RIMS1: variants seen among roughly 807,000 people sequenced by gnomAD.
RIMS1 encodes regulating synaptic membrane exocytosis protein 1.
In RIMS1, 83 loss-of-function variants were observed where a neutral mutation model predicts 214.1. That is an observed-to-expected ratio of 0.39 (90% CI 0.32 to 0.47). The LOEUF is 0.47. Among genes scored for constraint, RIMS1 ranks in the 20% least tolerant of loss-of-function variants. The pLI, the probability that RIMS1 is intolerant of heterozygous loss-of-function variation, is 0.99. For missense variants in RIMS1, 2,050 were observed against 2,161.8 expected, an observed-to-expected ratio of 0.95 and a Z score of 1.03; for synonymous variants, 793 against 786.8, an observed-to-expected ratio of 1.01 and a Z score of -0.13.
At chr6:71,944,895 CGTT>C (rs2151056879) in intron 1 of RIMS1, among the ~76,000 whole-genome samples, 1 of 152,188 alleles carries the variant, frequency 6.6e-6, no homozygotes, top group African/African-American at 2.4e-5. Context: ...TTAGACATTG[CGTT>C]GTTATCTTAA....
chr6:72,397,814 A>G (rs2098796832), intron 31 of RIMS1, among the ~76,000 whole-genome samples: 1 of 152,168 alleles, frequency 6.6e-6, no homozygotes, highest in East Asian at 1.9e-4. Context: ...AAATAGATAG[A>G]TAGACAGACA....
intron 3 of RIMS1, among the ~76,000 whole-genome samples, chr6:72,097,625 A>G (rs2032189679): frequency 6.6e-6 from 1 of 152,194 alleles, no homozygotes; most frequent in Admixed American, 6.5e-5. Flanking sequence ...GTAAATTCAG[A>G]TTTACTGATA....
chr6:72,311,948 G>A (rs898470771), intron 27 of RIMS1, among the ~76,000 whole-genome samples: 11 of 152,178 alleles, frequency 7.2e-5, no homozygotes, highest in Non-Finnish European at 1.5e-4. Context: ...TCCAGCCTGG[G>A]CAACAGAGGG....
chr6:72,107,916 C>T (rs1314577151), intron 4 of RIMS1, among the ~76,000 whole-genome samples: 1 of 152,110 alleles, frequency 6.6e-6, no homozygotes, highest in Non-Finnish European at 1.5e-5. Flanking sequence ...AGGCCTAATT[C>T]CTGTGATGTT....
rs929732401 is a variant in RIMS1, at chr6:72,019,456, A to G, written c.245+50393A>G. Among the ~76,000 whole-genome samples, 13 of 152,332 alleles carry G rather than the reference A, an allele frequency of 8.5e-5. No individual in the cohort carries two copies. In the East Asian group the frequency reaches 2.3e-3, roughly 27 times the overall value. ...GTCATGTTATGAATAACATGTGACA[A>G]TCTTTTCTTACATATAAAAACCTTT... On this transcript the variant is annotated intron_variant, in intron 2 of 33. Transcript: ENST00000521978.
intron 4 of RIMS1, 125 bp from the exon 5 acceptor site, chr6:72,179,450 A>C: frequency 2.3e-6 from 2 of 877,258 alleles, no homozygotes; most frequent in Non-Finnish European, 3.7e-6. Flanking sequence ...CATTTTCACA[A>C]GAAATTTGCA....
intron 29 of RIMS1, among the ~76,000 whole-genome samples, chr6:72,340,231 G>T (rs1343399239): frequency 2.0e-5 from 3 of 151,946 alleles, no homozygotes; most frequent in Non-Finnish European, 2.9e-5. Context: ...CCATTCTGTA[G>T]GTTGCCTGTT....
In RIMS1 at chr6:71,959,291, T is replaced by G. The variant is rs574715925; in HGVS notation, c.165-9692T>G. Among the ~76,000 whole-genome samples, 51 of 152,268 alleles carry G rather than the reference T, an allele frequency of 3.3e-4. No individual in the cohort carries two copies. In the South Asian group the frequency reaches 7.7e-3, roughly 23 times the overall value. The stretch of plus-strand genomic sequence containing the variant: ...AGTAGTGCCTGAAATAGTTCATTAA[T>G]GCTTTTCCAAGTTCCATTTTCCCAT... On this transcript the variant is annotated intron_variant, in intron 1 of 33. Transcript: ENST00000521978.
chr6:72,366,935 A>G (rs1192115613), intron 29 of RIMS1: 1 of 902,808 alleles, frequency 1.1e-6, no homozygotes, highest in African/African-American at 1.8e-5. Context: ...AACTTTTCAT[A>G]AAACCTAGCC....
At chr6:72,271,281 AAAAAAATATATAT>A (rs1244555308) in intron 22 of RIMS1, among the ~76,000 whole-genome samples, 2,943 of 68,322 alleles carry the variant, frequency 0.043, 93 homozygotes, top group African/African-American at 0.093. Context: ...AAAAAAAAAA[AAAAAAATATATAT>A]ATATATATAT....
At chr6:71,929,471 T>C (rs1359421367) in intron 1 of RIMS1, among the ~76,000 whole-genome samples, 3 of 152,088 alleles carry the variant, frequency 2.0e-5, no homozygotes, top group Non-Finnish European at 4.4e-5. Flanking sequence ...AAGAAAATTA[T>C]TGGAGAGAAA....
chr6:71,911,939 A>G (rs769519131), intron 1 of RIMS1, among the ~76,000 whole-genome samples: 12 of 152,130 alleles, frequency 7.9e-5, no homozygotes, highest in South Asian at 4.1e-4. Flanking sequence ...ACTCCTATCA[A>G]TGGTACTTGT....
intron 2 of RIMS1, among the ~76,000 whole-genome samples, chr6:72,083,315 T>C (rs1326529969): frequency 6.6e-6 from 1 of 152,178 alleles, no homozygotes; most frequent in East Asian, 1.9e-4. Context: ...ATATCAGATT[T>C]TTAGAATCTC....
intron 2 of RIMS1, among the ~76,000 whole-genome samples, chr6:72,033,642 C>T (rs1449508320): frequency 4.0e-5 from 6 of 151,788 alleles, no homozygotes; most frequent in South Asian, 2.1e-4. Context: ...CCACTATGCC[C>T]GGCTAATTTT....
intron 4 of RIMS1, among the ~76,000 whole-genome samples, chr6:72,122,329 T>G (rs930357637): frequency 6.6e-6 from 1 of 151,330 alleles, no homozygotes; most frequent in Non-Finnish European, 1.5e-5. Flanking sequence ...CTCAGCCTTT[T>G]AAGTAGCTGG....
At chr6:71,899,591 TAA>T (rs1272109780) in intron 1 of RIMS1, among the ~76,000 whole-genome samples, 2 of 152,160 alleles carry the variant, frequency 1.3e-5, no homozygotes, top group Non-Finnish European at 2.9e-5. Context: ...CATTCTTCTA[TAA>T]AGTCTTAAGG....
chr6:72,221,526 G>T (rs1032737759), intron 6 of RIMS1, among the ~76,000 whole-genome samples: 9 of 151,934 alleles, frequency 5.9e-5, no homozygotes, highest in African/African-American at 2.2e-4. Flanking sequence ...TTAGAATACA[G>T]TTGCAACAAT....
At chr6:72,335,309 T>C (rs2096802332) in intron 29 of RIMS1, among the ~76,000 whole-genome samples, 1 of 152,062 alleles carries the variant, frequency 6.6e-6, no homozygotes, top group Non-Finnish European at 1.5e-5. Context: ...AACTCCCACC[T>C]ATAAGTGAGA....
chr6:72,258,007 G>A (rs1590905967), intron 16 of RIMS1, 118 bp from the exon 17 acceptor site: 1 of 875,238 alleles, frequency 1.1e-6, no homozygotes, highest in East Asian at 2.7e-5. Flanking sequence ...AATACCGATT[G>A]CATGACATTT....
Sources: allele counts gnomAD v4.1 joint callset (sites outside exome capture counted in the v4.1 genomes callset), GRCh38; gene constraint gnomAD v4.1.1; transcripts MANE v1.5; gene names NCBI Gene and HGNC (gene_info 2026-07-23, HGNC 2026-07-21).